The following SLC25A48 variants were observed in gnomAD, a reference collection of about 807,000 sequenced individuals.
SLC25A48 encodes solute carrier family 25 member 48.
A neutral mutation model predicts 32.2 loss-of-function variants in SLC25A48; 29 were observed. The observed-to-expected ratio is 0.90, with a 90% confidence interval of 0.67 to 1.23. The LOEUF (loss-of-function observed/expected upper bound fraction) is 1.23, where lower values mean the gene tolerates loss of function less well. Among genes scored for constraint, SLC25A48 ranks in the 50% most tolerant of loss-of-function variants. SLC25A48 has a pLI of 0.00. For missense variants in SLC25A48, 399 were observed against 422.7 expected, an observed-to-expected ratio of 0.94 and a Z score of 0.49; for synonymous variants, 164 against 172.3, an observed-to-expected ratio of 0.95 and a Z score of 0.38.
chr5:135,683,093 C>G (rs1361844682), intron 3 of SLC25A48, among the ~76,000 whole-genome samples: 1 of 152,174 alleles, frequency 6.6e-6, no homozygotes, highest in Non-Finnish European at 1.5e-5. Flanking sequence ...CCACTGTTAA[C>G]ACTGCTTCCA....
At chr5:135,859,039 G>GT (rs754392533) in intron 4 of SLC25A48, among the ~76,000 whole-genome samples, 1 of 152,022 alleles carries the variant, frequency 6.6e-6, no homozygotes, top group Non-Finnish European at 1.5e-5. Context: ...AAGGAATGTG[G>GT]TTTTCTTTCA....
In SLC25A48 at chr5:135,856,041, G is replaced by A. The variant is rs536790773; in HGVS notation, c.421+3220G>A. ...GGGTAGAAAAAACAGGAAGGCACTT[G>A]CTGTGCAGAGCAGAGAGAGTGCCGG... On this transcript the variant is annotated intron_variant, in intron 4 of 7. Transcript: ENST00000681962. Among the ~76,000 whole-genome samples, 3 of 152,352 alleles carry A rather than the reference G, an allele frequency of 2.0e-5. No individual in the cohort carries two copies. In the East Asian group the frequency reaches 5.8e-4, roughly 29 times the overall value.
chr5:135,671,625 A>G (rs1237735643), intron 3 of SLC25A48: 1 of 152,190 alleles, frequency 6.6e-6, no homozygotes, highest in Non-Finnish European at 1.5e-5. Flanking sequence ...CATTTGATGA[A>G]TCTGACACTT....
chr5:135,604,355 C>T (rs1180381682), intron 1 of SLC25A48, among the ~76,000 whole-genome samples: 1 of 152,228 alleles, frequency 6.6e-6, no homozygotes. Context: ...TTAATCCTCA[C>T]AGACATCCTG....
At chr5:135,775,395 C>T (rs11960307) in intron 3 of SLC25A48, among the ~76,000 whole-genome samples, 45,934 of 151,304 alleles carry the variant, frequency 0.3, 7,121 homozygotes, top group East Asian at 0.46. Context: ...GAGAGGATGA[C>T]ATTACTCCCT....
chr5:135,871,090 C>T (rs1029477756), intron 4 of SLC25A48, among the ~76,000 whole-genome samples: 3 of 133,834 alleles, frequency 2.2e-5, no homozygotes, highest in African/African-American at 8.4e-5. Flanking sequence ...CACACACACA[C>T]ACACACACAC....
chr5:135,821,236 C>T (rs567929444), intron 4 of SLC25A48, among the ~76,000 whole-genome samples: 2 of 152,298 alleles, frequency 1.3e-5, no homozygotes, highest in South Asian at 4.1e-4. Context: ...GGGAGAGGAG[C>T]TGGGGACGGT....
At chr5:135,791,388 G>C (rs1040284104) in intron 3 of SLC25A48, among the ~76,000 whole-genome samples, 3 of 151,668 alleles carry the variant, frequency 2.0e-5, no homozygotes, top group African/African-American at 4.8e-5. Flanking sequence ...GTCACAGCGG[G>C]TGTAAACCCT....
At chr5:135,822,862 G>A (rs139793338) in intron 4 of SLC25A48, among the ~76,000 whole-genome samples, 11 of 152,184 alleles carry the variant, frequency 7.2e-5, no homozygotes, top group African/African-American at 2.4e-4. Context: ...ATCCTGGTGG[G>A]CTTCCTAAGG....
chr5:135,682,558 A>G (rs1753922299), intron 3 of SLC25A48, among the ~76,000 whole-genome samples: 1 of 152,218 alleles, frequency 6.6e-6, no homozygotes, highest in Non-Finnish European at 1.5e-5. Flanking sequence ...TGAAGGATGT[A>G]AAGAGAATTA....
chr5:135,580,861 G>T (rs1389839181), intron 1 of SLC25A48, among the ~76,000 whole-genome samples: 1 of 152,082 alleles, frequency 6.6e-6, no homozygotes, highest in Admixed American at 6.5e-5. Flanking sequence ...TTAATAACCT[G>T]CTTGCTATAC....
chr5:135,702,381 G>A (rs2126967295), intron 3 of SLC25A48, among the ~76,000 whole-genome samples: 1 of 152,328 alleles, frequency 6.6e-6, no homozygotes, highest in Non-Finnish European at 1.5e-5. Flanking sequence ...TGTGATGACA[G>A]AGGCAGGGAT....
At chr5:135,616,785 A>G (rs2126895506) in intron 1 of SLC25A48, among the ~76,000 whole-genome samples, 1 of 152,296 alleles carries the variant, frequency 6.6e-6, no homozygotes, top group East Asian at 1.9e-4. Context: ...GTGGAATGAT[A>G]TGGTTTGGAT....
chr5:135,871,761 C>T (rs764039389), intron 5 of SLC25A48, 43 bp downstream of exon 5: 2 of 1,603,592 alleles, frequency 1.2e-6, no homozygotes, highest in South Asian at 2.2e-5. Context: ...GTGCAGGCCA[C>T]AGCAGTGGGA....
intron 3 of SLC25A48, among the ~76,000 whole-genome samples, chr5:135,709,860 A>G (rs754423353): frequency 4.6e-5 from 7 of 152,268 alleles, no homozygotes; most frequent in South Asian, 2.1e-4. Flanking sequence ...ATTATTTTCC[A>G]TCATTCCTCA....
At chr5:135,777,157 A>G (rs1756585711) in intron 3 of SLC25A48, among the ~76,000 whole-genome samples, 3 of 151,776 alleles carry the variant, frequency 2.0e-5, no homozygotes, top group Admixed American at 2.0e-4. Flanking sequence ...GGAACTGTAC[A>G]CACCCCCCGT....
Position 135,857,576 on chromosome 5 carries a change from T to A in SLC25A48, c.421+4755T>A, listed in dbSNP as rs555808655. On this transcript the variant is annotated intron_variant, in intron 4 of 7. Coordinates refer to ENST00000681962, the MANE Select transcript of SLC25A48 (RefSeq NM_001349336.2). ...ACCTACTGGGTGCCAGGCACAGGGC[T>A]ATGTGCTGAGAATGCAGTGGTGAAC... Among the ~76,000 whole-genome samples the A allele has an allele frequency of 4.6e-5, 7 of 152,368 alleles. No homozygotes were observed. In the South Asian group the frequency reaches 1.5e-3, roughly 32 times the overall value.
chr5:135,671,912 A>G (rs566516057), intron 3 of SLC25A48, among the ~76,000 whole-genome samples: 2 of 151,800 alleles, frequency 1.3e-5, no homozygotes, highest in South Asian at 4.2e-4. Context: ...GAGTAGAAGA[A>G]AAACACTGAG....
intron 3 of SLC25A48, among the ~76,000 whole-genome samples, chr5:135,653,545 A>C (rs1016052525): frequency 2.0e-5 from 3 of 152,216 alleles, no homozygotes; most frequent in Non-Finnish European, 4.4e-5. Context: ...GGTTAGTAGA[A>C]GAAGGAAGCC....
Sources: gnomAD v4.1 joint callset for allele counts (sites outside exome capture counted in the v4.1 genomes callset) on GRCh38, gnomAD v4.1.1 for gene constraint, MANE v1.5 for transcripts, NCBI Gene and HGNC (gene_info 2026-07-23, HGNC 2026-07-21) for gene names.